The following TSHZ3 variants were observed in gnomAD, a reference collection of about 807,000 sequenced individuals.
TSHZ3 encodes the protein teashirt homolog 3.
TSHZ3 carries 10 observed loss-of-function variants against 64.5 expected under a neutral mutation model. The observed-to-expected ratio is 0.16, with a 90% CI of 0.10 to 0.26. The LOEUF is 0.26. TSHZ3 is among the 10% of genes least tolerant of loss of function. The pLI, the probability that TSHZ3 is intolerant of heterozygous loss-of-function variation, is 1.00. For missense variants in TSHZ3, 1,242 were observed against 1,421.7 expected (o/e 0.87, Z 2.03); for synonymous variants, 608 against 593.1 (o/e 1.03, Z -0.36).
At position 31,278,777 on chromosome 19, in the gene TSHZ3, C is replaced by G; in HGVS notation, c.1016G>C (p.Gly339Ala). Residue 339 changes from glycine to alanine, a missense_variant, in exon 2 of 2, where the codon GGA (glycine) becomes GCA (alanine). Physicochemically the swap from Gly to Ala is moderately conservative, Grantham distance 60. Transcript: ENST00000240587. This position sits in a 1 kb window ranked among gnomAD's most constrained non-coding sequence, Gnocchi z 4.7. ...ELPSSPDSTG[G>A]TPKATISDTN... ...GTCTGAGATGGTGGCTTTGGGGGTT[C>G]CACCTGTGGAATCTGGGGAGCTGGG... 1.9e-6 allele frequency: 3 copies of G among 1,614,152 alleles called. No individual in the cohort carries two copies. Among genetic ancestry groups the G allele is most frequent in the Non-Finnish European group, 2.5e-6 (3 of 1,180,036 alleles).
chr19:31,313,906 T>C (rs908804659), intron 1 of TSHZ3, among the ~76,000 whole-genome samples: 3 of 152,236 alleles, frequency 2.0e-5, no homozygotes, highest in African/African-American at 7.2e-5. Flanking sequence ...GGCTGCAACC[T>C]GCAGCACACA....
intron 5 of TSHZ3, among the ~76,000 whole-genome samples, chr19:31,184,731 T>C (rs1315225863): frequency 6.6e-6 from 1 of 152,198 alleles, no homozygotes; most frequent in Admixed American, 6.5e-5. Context: ...AGGTATTTGA[T>C]ATTGAAGTCA....
At chr19:31,178,589 G>A (rs1001925930) in intron 5 of TSHZ3, among the ~76,000 whole-genome samples, 5 of 152,216 alleles carry the variant, frequency 3.3e-5, no homozygotes. Context: ...TGAGGCAGGA[G>A]AATCACTTGA....
intron 1 of TSHZ3, among the ~76,000 whole-genome samples, chr19:31,254,230 G>T (rs1417702255): frequency 6.6e-6 from 1 of 152,206 alleles, no homozygotes; most frequent in African/African-American, 2.4e-5. Flanking sequence ...ACTTGCATGA[G>T]GACAAAATGA....
intron 3 of TSHZ3, among the ~76,000 whole-genome samples, chr19:31,236,021 A>T (rs950322894): frequency 6.6e-6 from 1 of 152,090 alleles, no homozygotes; most frequent in African/African-American, 2.4e-5. Flanking sequence ...TTATTCATTC[A>T]TGTGTCAACG....
rs143738980 is a variant in TSHZ3 at position 31,239,667 on chromosome 19, G to A, written n.550+2602C>T. ...TGCAATCATAGCTCACTACAGCCTCGACATTCTGGGCTCAAGTGGTCCTGC... is the reference window on the plus strand; with the variant it reads ...TGCAATCATAGCTCACTACAGCCTCAACATTCTGGGCTCAAGTGGTCCTGC... On this transcript the variant is annotated intron_variant and non_coding_transcript_variant, in intron 3 of 6. Transcript: ENST00000651361. 4.6e-3 allele frequency among the ~76,000 whole-genome samples: 701 copies of A among 151,532 alleles called. 7 individuals carry two copies. Among genetic ancestry groups the A allele is most frequent in the African/African-American group, 0.016 (651 of 41,300 alleles).
chr19:31,215,561 T>C (rs142200811), intron 4 of TSHZ3, among the ~76,000 whole-genome samples: 27 of 152,348 alleles, frequency 1.8e-4, no homozygotes, highest in South Asian at 4.1e-4. Context: ...TTTTTTACAT[T>C]AATAGGAATA....
At chr19:31,170,294 G>A (rs1163832429) in intron 5 of TSHZ3, among the ~76,000 whole-genome samples, 1 of 152,116 alleles carries the variant, frequency 6.6e-6, no homozygotes, top group African/African-American at 2.4e-5. Context: ...ATTGATGGGG[G>A]AAACAGAGCT....
chr19:31,289,105 A>C (rs1276914637), intron 1 of TSHZ3, among the ~76,000 whole-genome samples: 3 of 152,226 alleles, frequency 2.0e-5, no homozygotes, highest in Non-Finnish European at 4.4e-5. Context: ...AAGTTAAAGA[A>C]ACTCTGCAAA....
intron 4 of TSHZ3, among the ~76,000 whole-genome samples, chr19:31,222,944 G>T (rs1165258332): frequency 6.6e-6 from 1 of 152,160 alleles, no homozygotes; most frequent in Non-Finnish European, 1.5e-5. Context: ...CGAGTCTCCC[G>T]CTGCCTGCCC....
chr19:31,281,113 G>C (rs916860636), intron 1 of TSHZ3, among the ~76,000 whole-genome samples: 7 of 152,172 alleles, frequency 4.6e-5, no homozygotes, highest in African/African-American at 1.7e-4. Flanking sequence ...AGTGCTAATT[G>C]CAAGGCTGAT....
intron 4 of TSHZ3, among the ~76,000 whole-genome samples, chr19:31,218,350 G>A (rs1975358624): frequency 6.6e-6 from 1 of 152,184 alleles, no homozygotes; most frequent in South Asian, 2.1e-4. Flanking sequence ...GCAACACTGA[G>A]ATGCCACCAC....
In TSHZ3 at chr19:31,242,519, C is replaced by T. The variant is rs529640924; in HGVS notation, n.300G>A. Among the ~76,000 whole-genome samples, 47 of 151,334 alleles carry T rather than the reference C, an allele frequency of 3.1e-4. 1 individual carries two copies. The highest frequency in any genetic ancestry group is 1.0e-3 in the African/African-American group (43 of 41,222). On this transcript the variant is annotated non_coding_transcript_exon_variant, in exon 3 of 7. Transcript: ENST00000651361. ...GCAGAAGATGGGTGCCTCGGTTCTA[C>T]GTGAGAGAACCTGGAGTTCTGATGT...
At chr19:31,177,289 A>G (rs951318318) in intron 5 of TSHZ3, among the ~76,000 whole-genome samples, 1 of 152,182 alleles carries the variant, frequency 6.6e-6, no homozygotes, top group Non-Finnish European at 1.5e-5. Flanking sequence ...GAGGAGTGAG[A>G]TGTGCTAAGC....
At chr19:31,258,056 A>C (rs906706221) in intron 1 of TSHZ3, among the ~76,000 whole-genome samples, 1 of 152,162 alleles carries the variant, frequency 6.6e-6, no homozygotes, top group African/African-American at 2.4e-5. Context: ...AAACTGGGTG[A>C]CTGCAGCTTA....
At chr19:31,225,549 T>A (rs1975447706) in intron 4 of TSHZ3, among the ~76,000 whole-genome samples, 1 of 152,146 alleles carries the variant, frequency 6.6e-6, no homozygotes, top group Admixed American at 6.5e-5. Context: ...TGAGAAGCCA[T>A]CGTATAGGAA....
At chr19:31,315,934 G>A (rs1253237577) in intron 1 of TSHZ3, among the ~76,000 whole-genome samples, 1 of 151,036 alleles carries the variant, frequency 6.6e-6, no homozygotes, top group Non-Finnish European at 1.5e-5. Context: ...AAGAGACATC[G>A]ACCATTTTTT....
At chr19:31,266,669 T>C (rs1976057484) in intron 1 of TSHZ3, among the ~76,000 whole-genome samples, 1 of 151,904 alleles carries the variant, frequency 6.6e-6, no homozygotes, top group South Asian at 2.1e-4. Context: ...AGAAAAAAAG[T>C]TGTGGTATAA....
At chr19:31,172,892 T>C (rs1974555846) in intron 5 of TSHZ3, among the ~76,000 whole-genome samples, 1 of 152,154 alleles carries the variant, frequency 6.6e-6, no homozygotes. Context: ...GACCTGTTCC[T>C]GGCACAGCAG....
Sources: gnomAD v4.1 joint callset for allele counts (sites outside exome capture counted in the v4.1 genomes callset) on GRCh38, gnomAD v4.1.1 for gene constraint, Gnocchi (gnomAD v3.1) non-coding constraint, MANE v1.5 for transcripts, NCBI Gene and HGNC (gene_info 2026-07-23, HGNC 2026-07-21) for gene names.